The following MTCL3 variants were observed in gnomAD, a reference collection of about 807,000 sequenced individuals.
MTCL3 encodes the protein microtubule cross-linking factor 3.
chr6:127,479,047 G>T, the MTCL3 span, among the ~76,000 whole-genome samples: 3 of 151,534 alleles, frequency 2.0e-5, no homozygotes, highest in Non-Finnish European at 2.9e-5. Flanking sequence ...AAAGAGAAAG[G>T]GGGAGACAGG....
the MTCL3 span, among the ~76,000 whole-genome samples, chr6:127,505,133 T>C: frequency 6.6e-6 from 1 of 152,162 alleles, no homozygotes; most frequent in Non-Finnish European, 1.5e-5. Context: ...ATTAGGGAGT[T>C]TCAACTTGTA....
At chr6:127,508,149 GC>G in the MTCL3 span, among the ~76,000 whole-genome samples, 1 of 152,094 alleles carries the variant, frequency 6.6e-6, no homozygotes, top group Non-Finnish European at 1.5e-5. Flanking sequence ...TGCAAGAAAT[GC>G]CCCATTAAAC....
At chr6:127,508,165 T>C in the MTCL3 span, among the ~76,000 whole-genome samples, 2 of 152,340 alleles carry the variant, frequency 1.3e-5, no homozygotes, top group East Asian at 3.9e-4. Flanking sequence ...TTAAACCGTC[T>C]CTTGGAATGC....
the MTCL3 span, chr6:127,518,869 C>T: frequency 6.6e-6 from 1 of 152,330 alleles, no homozygotes; most frequent in Non-Finnish European, 1.5e-5. Context: ...TCTCAGCAGG[C>T]TAACACGCGA....
At chr6:127,489,097 C>T in the MTCL3 span, among the ~76,000 whole-genome samples, 1 of 152,146 alleles carries the variant, frequency 6.6e-6, no homozygotes, top group Non-Finnish European at 1.5e-5. Flanking sequence ...CATTTTGTGT[C>T]TCTGTGTTAC....
the MTCL3 span, chr6:127,512,965 T>C: frequency 6.2e-7 from 1 of 1,612,318 alleles, no homozygotes; most frequent in Non-Finnish European, 8.5e-7. Context: ...TGCCTCAGTT[T>C]CTCATTTTCA....
chr6:127,477,366 C>G, the MTCL3 span, among the ~76,000 whole-genome samples: 1 of 152,178 alleles, frequency 6.6e-6, no homozygotes, highest in South Asian at 2.1e-4. Context: ...AAATCTTTCT[C>G]TGAGGGATAT....
the MTCL3 span, chr6:127,515,684 T>C: frequency 1.0e-4 from 158 of 1,538,538 alleles, no homozygotes; most frequent in Middle Eastern, 3.8e-4. The surrounding 1 kb of genome is among the most constrained non-coding windows in gnomAD (Gnocchi z 4.3). Flanking sequence ...GCCGCCGCCA[T>C]TGGGGAGGCG....
the MTCL3 span, among the ~76,000 whole-genome samples, chr6:127,493,368 A>ATTGAT: frequency 2.0e-5 from 3 of 152,252 alleles, no homozygotes; most frequent in African/African-American, 7.2e-5. Context: ...TTATTAATTC[A>ATTGAT]TTGATTCTAA....
the MTCL3 span, among the ~76,000 whole-genome samples, chr6:127,482,381 GC>G: frequency 6.6e-6 from 1 of 152,170 alleles, no homozygotes; most frequent in African/African-American, 2.4e-5. The surrounding 1 kb of genome is among the most constrained non-coding windows in gnomAD (Gnocchi z 4.1). Context: ...CTGTGGCTGT[GC>G]TTCTAAGGTT....
chr6:127,479,610 G>A, the MTCL3 span, among the ~76,000 whole-genome samples: 1 of 152,184 alleles, frequency 6.6e-6, no homozygotes, highest in African/African-American at 2.4e-5. Flanking sequence ...GAGAATATCT[G>A]ATTTGTGTGT....
chr6:127,512,412 C>A, the MTCL3 span, among the ~76,000 whole-genome samples: 1 of 151,926 alleles, frequency 6.6e-6, no homozygotes, highest in Non-Finnish European at 1.5e-5. Flanking sequence ...TAGAACATTG[C>A]GGGAAGGGCT....
chr6:127,510,877 C>T, the MTCL3 span, among the ~76,000 whole-genome samples: 9,797 of 152,162 alleles, frequency 0.064, 372 homozygotes, highest in East Asian at 0.11. Context: ...TAACCCCCAG[C>T]TGCTCAGGAT....
At chr6:127,499,700 T>C in the MTCL3 span, among the ~76,000 whole-genome samples, 3 of 152,206 alleles carry the variant, frequency 2.0e-5, no homozygotes, top group African/African-American at 7.2e-5. Flanking sequence ...TCATGCTTGC[T>C]CCTTCTCTGC....
the MTCL3 span, chr6:127,515,189 G>C: frequency 1.1e-5 from 9 of 787,396 alleles, no homozygotes; most frequent in African/African-American, 1.0e-4. This position sits in a 1 kb window ranked among gnomAD's most constrained non-coding sequence, Gnocchi z 4.3. Flanking sequence ...AAGGAGCTGA[G>C]TACAGAAGAG....
the MTCL3 span, chr6:127,483,034 C>A: frequency 7.0e-7 from 1 of 1,437,446 alleles, no homozygotes; most frequent in South Asian, 1.3e-5. Context: ...AATTTTAATT[C>A]AATTTTATGT....
At chr6:127,506,742 G>A in the MTCL3 span, among the ~76,000 whole-genome samples, 1 of 151,864 alleles carries the variant, frequency 6.6e-6, no homozygotes, top group Non-Finnish European at 1.5e-5. Flanking sequence ...GACCACGCCC[G>A]GCTAATTTTT....
chr6:127,512,157 T>C, the MTCL3 span, among the ~76,000 whole-genome samples: 6 of 152,210 alleles, frequency 3.9e-5, no homozygotes, highest in Non-Finnish European at 5.9e-5. Flanking sequence ...CCTCCATTTC[T>C]TTACCTTGAT....
chr6:127,498,102 GA>G, the MTCL3 span, among the ~76,000 whole-genome samples: 1 of 152,098 alleles, frequency 6.6e-6, no homozygotes, highest in Non-Finnish European at 1.5e-5. Flanking sequence ...AATTGGACTT[GA>G]TCAAAATTGC....
Sources: gnomAD v4.1 joint callset for allele counts (sites outside exome capture counted in the v4.1 genomes callset) on GRCh38, gnomAD v4.1.1 for gene constraint, Gnocchi (gnomAD v3.1) non-coding constraint, MANE v1.5 for transcripts, NCBI Gene and HGNC (gene_info 2026-07-23, HGNC 2026-07-21) for gene names.